FRMD3: variants seen among roughly 807,000 people sequenced by gnomAD.
FRMD3 encodes the protein FERM domain containing 3, also known as FERM domain-containing protein 3.
FRMD3 carries 33 observed loss-of-function variants against 70.2 expected under a neutral mutation model. The observed-to-expected ratio is 0.47, with a 90% CI of 0.36 to 0.63. The LOEUF (loss-of-function observed/expected upper bound fraction) is 0.63, where lower values mean the gene tolerates loss of function less well. FRMD3 is among the 20% of genes least tolerant of loss of function. The pLI, the probability that FRMD3 is intolerant of heterozygous loss-of-function variation, is 0.00. For missense variants in FRMD3, 632 were observed against 711.4 expected (o/e 0.89, Z 1.27); for synonymous variants, 279 against 255.9 (o/e 1.09, Z -0.86).
At chr9:83,300,343 G>T (rs1734266542) in intron 10 of FRMD3, among the ~76,000 whole-genome samples, 1 of 152,254 alleles carries the variant, frequency 6.6e-6, no homozygotes, top group Non-Finnish European at 1.5e-5. Context: ...GGTGCAAGTG[G>T]TGGTGGATAT....
At chr9:83,453,291 G>A (rs184826578) in intron 1 of FRMD3, among the ~76,000 whole-genome samples, 2 of 152,138 alleles carry the variant, frequency 1.3e-5, no homozygotes, top group Non-Finnish European at 2.9e-5. Flanking sequence ...AGTTTATAAG[G>A]TTCTCAAGTG....
intron 13 of FRMD3, among the ~76,000 whole-genome samples, chr9:83,285,118 C>T (rs1220595877): frequency 1.3e-5 from 2 of 152,200 alleles, no homozygotes; most frequent in African/African-American, 2.4e-5. Context: ...GTGAAACCAC[C>T]TTAAGCCATC....
At chr9:83,534,244 C>G (rs1191677908) in intron 1 of FRMD3, among the ~76,000 whole-genome samples, 1 of 152,134 alleles carries the variant, frequency 6.6e-6, no homozygotes, top group Non-Finnish European at 1.5e-5. Context: ...TGAACATTCA[C>G]AAGCAAATGA....
In FRMD3 at chr9:83,537,989, C is replaced by A; in HGVS notation, c.147+96G>T. 7.2e-7 allele frequency: 1 copy of A among 1,391,034 alleles called. No homozygotes were observed. The highest frequency in any genetic ancestry group is 1.4e-5 in the African/African-American group (1 of 70,804). 86.2% of individuals were successfully genotyped at this position (1,391,034 alleles called of 1,614,324 possible). Reference sequence around the variant, plus strand: ...CTTTCTAGCAGTCCCCCAATCCCCTCCGGGAGTGGGTTCCTTGTTCTCGCA... The same window carrying A: ...CTTTCTAGCAGTCCCCCAATCCCCTACGGGAGTGGGTTCCTTGTTCTCGCA... On this transcript the variant is annotated intron_variant, in intron 1 of 13. Coordinates refer to ENST00000304195, the MANE Select transcript of FRMD3 (RefSeq NM_174938.6). The surrounding 1 kb of genome is among the most constrained non-coding windows in gnomAD (Gnocchi z 4.1).
In FRMD3 at chr9:83,484,366, A is replaced by G. The variant is rs531547085; in HGVS notation, c.147+53719T>C. On this transcript the variant is annotated intron_variant, in intron 1 of 13. Transcript: ENST00000304195. ...GGAAATGTGGCAAGAGCCGGGGAAG[A>G]CAGATTGTGAGTCCTACATAGACAT... 3.3e-5 allele frequency among the ~76,000 whole-genome samples: 5 copies of G among 152,342 alleles called. No homozygotes were observed. The East Asian group carries it at 9.7e-4, about 29-fold the overall frequency.
chr9:83,446,988 TTTTTG>T (rs141194581), intron 1 of FRMD3, among the ~76,000 whole-genome samples: 19,884 of 146,664 alleles, frequency 0.14, 1,369 homozygotes, highest in Admixed American at 0.15. Flanking sequence ...CAGATCAGGG[TTTTTG>T]TTTTGTTTTG....
chr9:83,284,039 C>T (rs182345120), intron 13 of FRMD3, among the ~76,000 whole-genome samples: 6 of 147,504 alleles, frequency 4.1e-5, no homozygotes, highest in East Asian at 4.0e-4. Context: ...ATTTCCTCTA[C>T]GAGGGGGCAA....
chr9:83,519,913 T>G (rs1300450684), intron 1 of FRMD3, among the ~76,000 whole-genome samples: 1 of 152,114 alleles, frequency 6.6e-6, no homozygotes, highest in African/African-American at 2.4e-5. Context: ...AAACACTGCA[T>G]GTTCTCACTC....
chr9:83,357,241 ACATACATATATATATAT>A (rs1824398773), intron 3 of FRMD3, among the ~76,000 whole-genome samples: 151 of 7,074 alleles, frequency 0.021, 8 homozygotes, highest in Non-Finnish European at 0.038. Context: ...TATATATAAT[ACATACATATATATATAT>A]ATATATATAT....
rs141293025 is a variant in FRMD3 at position 83,368,700 on chromosome 9, C to T, written c.295+4213G>A. 6.3e-3 allele frequency among the ~76,000 whole-genome samples: 963 copies of T among 152,204 alleles called. 13 individuals carry two copies. The highest frequency in any genetic ancestry group is 0.021 in the African/African-American group (866 of 41,512). On this transcript the variant is annotated intron_variant, in intron 3 of 13. Transcript: ENST00000304195. Reference sequence around the variant, plus strand: ...AGTTTTGGGGAAAGAAGCATTCTCACGTAACATTTGAGGGAGTCAGATTGT... The same window carrying T: ...AGTTTTGGGGAAAGAAGCATTCTCATGTAACATTTGAGGGAGTCAGATTGT...
At chr9:83,529,733 C>G (rs1039076581) in intron 1 of FRMD3, among the ~76,000 whole-genome samples, 1 of 152,066 alleles carries the variant, frequency 6.6e-6, no homozygotes, top group African/African-American at 2.4e-5. Context: ...AAAATATTTG[C>G]AAATCACTTA....
At chr9:83,392,195 C>T (rs566097218) in intron 1 of FRMD3, among the ~76,000 whole-genome samples, 16 of 152,232 alleles carry the variant, frequency 1.1e-4, no homozygotes, top group African/African-American at 3.6e-4. Context: ...ACATCAATAG[C>T]CCTTTGCAGT....
chr9:83,250,389 C>T (rs1201740733), intron 13 of FRMD3, among the ~76,000 whole-genome samples: 4 of 152,084 alleles, frequency 2.6e-5, no homozygotes, highest in African/African-American at 9.7e-5. Flanking sequence ...CTCAGGCACA[C>T]ACAGAGACCC....
chr9:83,254,057 T>C (rs1231168074), intron 13 of FRMD3, among the ~76,000 whole-genome samples: 6 of 151,472 alleles, frequency 4.0e-5, no homozygotes, highest in African/African-American at 1.2e-4. Flanking sequence ...TAGGTGGGAA[T>C]TGAACAATGA....
At chr9:83,571,161 G>C in the FRMD3 span, among the ~76,000 whole-genome samples, 13 of 151,910 alleles carry the variant, frequency 8.6e-5, no homozygotes, top group Admixed American at 7.2e-4. Flanking sequence ...TGCAAAAAAA[G>C]GTTCTTAAAA....
At chr9:83,559,013 T>A in the FRMD3 span, among the ~76,000 whole-genome samples, 1 of 152,238 alleles carries the variant, frequency 6.6e-6, no homozygotes, top group African/African-American at 2.4e-5. Flanking sequence ...ATATGGACTT[T>A]ACTTCAGGTG....
In FRMD3 at chr9:83,250,141, T is replaced by C. The variant is rs557816981; in HGVS notation, c.1196-1625A>G. Among the ~76,000 whole-genome samples the C allele has an allele frequency of 3.9e-5, 6 of 152,000 alleles. No individual in the cohort carries two copies. The East Asian group carries it at 1.2e-3, about 29-fold the overall frequency. The stretch of plus-strand genomic sequence containing the variant: ...GGCAAACAACTCAACCCACAGAGAA[T>C]AAAGAAAAGCAGAAGAGGGGGTGAT... On this transcript the variant is annotated intron_variant, in intron 13 of 13. Coordinates refer to ENST00000304195, the MANE Select transcript of FRMD3 (RefSeq NM_174938.6).
At chr9:83,423,585 C>CTTTTTTTTTTTTTTT (rs869226126) in intron 1 of FRMD3, among the ~76,000 whole-genome samples, 11 of 60,480 alleles carry the variant, frequency 1.8e-4, no homozygotes, top group African/African-American at 4.1e-4. Context: ...AGCCCTGTTT[C>CTTTTTTTTTTTTTTT]TTTTTTTTTT....
intron 2 of FRMD3, 35 bp from the exon 3 acceptor site, chr9:83,372,990 G>A: frequency 6.3e-7 from 1 of 1,579,420 alleles, no homozygotes. Context: ...GAGATCAGGG[G>A]TCAAATTGCT....
Sources: allele counts gnomAD v4.1 joint callset (sites outside exome capture counted in the v4.1 genomes callset), GRCh38; gene constraint gnomAD v4.1.1; non-coding constraint Gnocchi (gnomAD v3.1); transcripts MANE v1.5; gene names NCBI Gene and HGNC (gene_info 2026-07-23, HGNC 2026-07-21).